Variants in TMC2 observed in about 807,000 individuals in gnomAD.
TMC2 encodes transmembrane channel-like protein 2.
Under a neutral mutation model 105.9 loss-of-function variants are expected in TMC2, and 102 were observed. That is an observed-to-expected ratio of 0.96 (90% CI 0.82 to 1.14). The LOEUF (loss-of-function observed/expected upper bound fraction) is 1.14. Among genes scored for constraint, TMC2 ranks in the 50% most tolerant of loss-of-function variants. The pLI is 0.00. For missense variants in TMC2, 1,093 were observed against 1,134.3 expected (o/e 0.96, Z 0.52); for synonymous variants, 402 against 422.8 (o/e 0.95, Z 0.60).
Position 2,610,594 on chromosome 20 carries a change from TC to T in TMC2, c.1590del (p.Lys531SerfsTer8). On this transcript the variant is annotated frameshift_variant, in exon 12 of 20. Coordinates refer to ENST00000358864, the MANE Select transcript of TMC2 (RefSeq NM_080751.3). LOFTEE classifies it high-confidence loss of function. ...TTGGCCCTGATGGATGACGTCCACC[TC>T]AAGGTAAAAACCACAACACCCCCCA... ...FLLALMDDVH[L>X]KLANEETIKN... is the part of the protein sequence containing the mutation. 2 of 1,583,330 alleles carry T rather than the reference TC, an allele frequency of 1.3e-6. No homozygotes were observed. The highest frequency in any genetic ancestry group is 1.7e-6 in the Non-Finnish European group (2 of 1,162,962).
chr20:2,625,177 AT>A (rs1243957021), intron 17 of TMC2, among the ~76,000 whole-genome samples: 1 of 152,156 alleles, frequency 6.6e-6, no homozygotes, highest in Non-Finnish European at 1.5e-5. Context: ...AAATGTTAGC[AT>A]TTTTTCTTTA....
rs748265610 is a variant in TMC2, at chr20:2,602,294, G to A, written c.1406G>A (p.Arg469Lys). The change falls in exon 11 of 20, where the codon AGG becomes AAG. Residue 469 changes from arginine (R) to lysine (K), a missense_variant. Coordinates refer to ENST00000358864, the MANE Select transcript of TMC2 (RefSeq NM_080751.3). ...SKMQNVSWYE[R>K]NEVEIVMSLL... ...ATGCAGAATGTCAGCTGGTATGAAAGGAATGAGGTAAGAAAAACATCGCTG... is the reference window on the plus strand; with the variant it reads ...ATGCAGAATGTCAGCTGGTATGAAAAGAATGAGGTAAGAAAAACATCGCTG... 18 of 1,587,816 alleles carry A rather than the reference G, an allele frequency of 1.1e-5. No homozygotes were observed. Among genetic ancestry groups the A allele is most frequent in the Non-Finnish European group, 1.2e-5 (14 of 1,167,386 alleles).
chr20:2,571,322 A>T (rs1365751442), intron 4 of TMC2, among the ~76,000 whole-genome samples: 1 of 152,212 alleles, frequency 6.6e-6, no homozygotes, highest in African/African-American at 2.4e-5. Flanking sequence ...AAATAACTCC[A>T]TTAAAAAGTG....
chr20:2,599,768 T>C (rs1299005768), intron 10 of TMC2, among the ~76,000 whole-genome samples: 1 of 152,036 alleles, frequency 6.6e-6, no homozygotes, highest in Non-Finnish European at 1.5e-5. Context: ...TATGGCTCAA[T>C]ATTTCTCCTG....
At chr20:2,593,845 G>A (rs1379684125) in intron 8 of TMC2, among the ~76,000 whole-genome samples, 5 of 152,098 alleles carry the variant, frequency 3.3e-5, no homozygotes, top group Non-Finnish European at 7.4e-5. Flanking sequence ...AAAATCCAGT[G>A]TTCTTAATTG....
rs954049138 is a variant in TMC2 at position 2,568,031 on chromosome 20, G to A, written c.555-4148G>A. The stretch of plus-strand genomic sequence containing the variant: ...TAATAAAAGACATAACATTAGTATC[G>A]TTGGAATTCCAGAAAAAGAGGAGAA... On this transcript the variant is annotated intron_variant, in intron 4 of 19. Coordinates refer to ENST00000358864, the MANE Select transcript of TMC2 (RefSeq NM_080751.3). Among the ~76,000 whole-genome samples, 5 of 152,120 alleles carry A rather than the reference G, an allele frequency of 3.3e-5. No individual in the cohort carries two copies. The East Asian group carries it at 5.8e-4, about 18-fold the overall frequency.
chr20:2,612,631 T>G (rs2146240051), intron 13 of TMC2, among the ~76,000 whole-genome samples: 1 of 152,312 alleles, frequency 6.6e-6, no homozygotes, highest in Admixed American at 6.5e-5. Flanking sequence ...GAAAGCTTTG[T>G]CCTTCAGTTT....
intron 7 of TMC2, among the ~76,000 whole-genome samples, chr20:2,581,462 G>A (rs1480792819): frequency 6.6e-6 from 1 of 152,124 alleles, no homozygotes; most frequent in Non-Finnish European, 1.5e-5. Context: ...CATTTTAAAC[G>A]TCACTGTCAA....
At chr20:2,587,055 A>G (rs55996844) in intron 7 of TMC2, among the ~76,000 whole-genome samples, 249 of 152,048 alleles carry the variant, frequency 1.6e-3, no homozygotes, top group Non-Finnish European at 3.2e-3. Context: ...ATCACTTGGG[A>G]CTTGCTTTAT....
At chr20:2,552,163 T>C in intron 2 of TMC2, among the ~76,000 whole-genome samples, 1 of 151,624 alleles carries the variant, frequency 6.6e-6, no homozygotes, top group South Asian at 2.1e-4. Flanking sequence ...GAGGCTGAGG[T>C]GGGAGGATTG....
Position 2,617,257 on chromosome 20 carries a change from C to T in TMC2, c.2126C>T (p.Pro709Leu), listed in dbSNP as rs151004875. 293 of 1,614,214 alleles carry T rather than the reference C, an allele frequency of 1.8e-4. No homozygotes were observed. The highest frequency in any genetic ancestry group is 1.4e-3 in the African/African-American group (105 of 75,060). ...LLLVLFLSLL[P>L]VAYTIMSLPP... ...CTGGTGCTCTTCCTCAGCCTCCTGCCGGTGGCCTACACCATCATGTCCCTC... is the reference window on the plus strand; with the variant it reads ...CTGGTGCTCTTCCTCAGCCTCCTGCTGGTGGCCTACACCATCATGTCCCTC... Residue 709 changes from proline to leucine, a missense_variant, in exon 16 of 20, where the codon CCG becomes CTG. Pro to Leu is a moderately conservative substitution (Grantham distance 98, BLOSUM62 -3). Coordinates refer to ENST00000358864, the MANE Select transcript of TMC2 (RefSeq NM_080751.3).
At chr20:2,613,143 G>A in intron 13 of TMC2, 51 bp from the exon 14 acceptor site, 1 of 1,581,594 alleles carries the variant, frequency 6.3e-7, no homozygotes, top group African/African-American at 1.3e-5. Context: ...GGGAGGGTGG[G>A]AGAAGTGGGC....
chr20:2,642,247 AAAT>A lies in TMC2; in HGVS notation c.*899_*901del, dbSNP rs1293437452. On this transcript the variant is annotated 3_prime_UTR_variant, in exon 20 of 20. Transcript: ENST00000358864. ...AATCAAAGTAAATGAAAGTGAATGAAAATAAAGGTAAATGGACCAAAGACCAGT... is the reference window on the plus strand; with the variant it reads ...AATCAAAGTAAATGAAAGTGAATGAAAAAGGTAAATGGACCAAAGACCAGT... Among the ~76,000 whole-genome samples, 5 of 152,186 alleles carry A rather than the reference AAAT, an allele frequency of 3.3e-5. No individual in the cohort carries two copies. Among genetic ancestry groups the A allele is most frequent in the Admixed American group, 6.5e-5 (1 of 15,268 alleles).
At chr20:2,542,831 A>T (rs2085898970) in intron 2 of TMC2, among the ~76,000 whole-genome samples, 1 of 151,796 alleles carries the variant, frequency 6.6e-6, no homozygotes, top group South Asian at 2.1e-4. Context: ...AGCTGGGACT[A>T]CAGGCGAGCA....
chr20:2,576,061 T>C (rs538255591), intron 5 of TMC2, among the ~76,000 whole-genome samples: 21 of 152,350 alleles, frequency 1.4e-4, no homozygotes, highest in Admixed American at 1.2e-3. Context: ...TGTCCCTTTT[T>C]CCCTGTTCTG....
chr20:2,613,346 T>G, intron 14 of TMC2, 24 bp downstream of exon 14: 2 of 1,613,954 alleles, frequency 1.2e-6, no homozygotes, highest in Non-Finnish European at 1.7e-6. Context: ...TCATGGACAT[T>G]CCGCACAAAG....
At chr20:2,612,900 G>A (rs538718873) in intron 13 of TMC2, among the ~76,000 whole-genome samples, 1 of 152,280 alleles carries the variant, frequency 6.6e-6, no homozygotes, top group African/African-American at 2.4e-5. Context: ...ATTTGCATTT[G>A]CATACATAAT....
At position 2,551,331 on chromosome 20, in the gene TMC2, C is replaced by CGAAAACACACATGAAA. The variant is rs1328583533; in HGVS notation, c.83-7125_83-7124insGAAAACACACATGAAA. Among the ~76,000 whole-genome samples the CGAAAACACACATGAAA allele has an allele frequency of 2.0e-5, 3 of 149,210 alleles. No homozygotes were observed. The East Asian group carries it at 5.9e-4, about 29-fold the overall frequency. ...GTTTGTTTTCTTATTCTTGAGTTTT[C>CGAAAACACACATGAAA]ATGTGTGTATTTTGGATACACGTCC... is the stretch of plus-strand genomic sequence containing the variant. On this transcript the variant is annotated intron_variant, in intron 2 of 19. Coordinates refer to ENST00000358864, the MANE Select transcript of TMC2 (RefSeq NM_080751.3).
chr20:2,552,425 GTCTTTGAGT>G lies in TMC2; in HGVS notation c.83-6016_83-6008del, dbSNP rs1240326635. On this transcript the variant is annotated intron_variant, in intron 2 of 19. Transcript: ENST00000358864. ...TTCCAAGGAACATTCATTTATTTAA[GTCTTTGAGT>G]TCTTTGAGTTCTTTCATCAGAATTT... Among the ~76,000 whole-genome samples, 5 of 152,246 alleles carry G rather than the reference GTCTTTGAGT, an allele frequency of 3.3e-5. No homozygotes were observed. The East Asian group carries it at 5.8e-4, about 18-fold the overall frequency.
Sources: allele counts gnomAD v4.1 joint callset (sites outside exome capture counted in the v4.1 genomes callset), GRCh38; gene constraint gnomAD v4.1.1; transcripts MANE v1.5; gene names NCBI Gene and HGNC (gene_info 2026-07-23, HGNC 2026-07-21).